The following PTRH2 variants were observed in gnomAD, a reference collection of about 807,000 sequenced individuals.
PTRH2 encodes the protein peptidyl-tRNA hydrolase 2.
Under a neutral mutation model 12.3 loss-of-function variants are expected in PTRH2, and 10 were observed. The observed-to-expected ratio is 0.81, with a 90% CI of 0.50 to 1.38. The LOEUF is 1.38. Among genes scored for constraint, PTRH2 ranks in the 40% most tolerant of loss-of-function variants. The pLI is 0.00. For missense variants in PTRH2, 176 were observed against 214.1 expected (o/e 0.82, Z 1.11); for synonymous variants, 73 against 77.4 (o/e 0.94, Z 0.30).
Position 59,697,915 on chromosome 17 carries a change from C to A in PTRH2, c.64G>T (p.Gly22Ter). The change falls in exon 2 of 2, where the codon GGA becomes TGA. Residue 22 changes from glycine (G) to a stop codon, truncating the protein, a stop_gained. Coordinates refer to ENST00000393038, the MANE Select transcript of PTRH2 (RefSeq NM_016077.5). LOFTEE classifies it high-confidence loss of function. ...CCCAGGCACATGCCACAAGCAACTC[C>A]AACAGCCAAGCCGAGTGTACTGGGA... ...AHPSTLGLAV[G>*]VACGMCLGWS... 6.2e-7 allele frequency: 1 copy of A among 1,614,084 alleles called. No homozygotes were observed. Among genetic ancestry groups the A allele is most frequent in the South Asian group, 1.1e-5 (1 of 91,068 alleles).
intron 1 of PTRH2, among the ~76,000 whole-genome samples, chr17:59,704,036 G>C (rs1394917649): frequency 6.6e-6 from 1 of 150,832 alleles, no homozygotes; most frequent in African/African-American, 2.4e-5. Context: ...TCGAGCTCCT[G>C]ACCTCAGGTG....
chr17:59,700,639 A>G (rs912700303), intron 1 of PTRH2: 7 of 152,210 alleles, frequency 4.6e-5, no homozygotes, highest in African/African-American at 1.7e-4. Context: ...CAAAAAGAAA[A>G]AGCAATGGAT....
Position 59,697,315 on chromosome 17 carries a change from G to A in PTRH2, c.*124C>T. On this transcript the variant is annotated 3_prime_UTR_variant, in exon 2 of 2. Coordinates refer to ENST00000393038, the MANE Select transcript of PTRH2 (RefSeq NM_016077.5). ...TGACAACTGCCAACCATAGAACATG[G>A]GAATAGGTTTTATTTTCATCTCAAG... The A allele has an allele frequency of 8.6e-7, 1 of 1,169,074 alleles. No individual in the cohort carries two copies. The highest frequency in any genetic ancestry group is 1.2e-6 in the Non-Finnish European group (1 of 840,442). The allele number at this position is 1,169,074 out of a possible 1,614,324, so 72.4% of individuals were successfully genotyped here. A position where few individuals can be genotyped will look rare whatever the true frequency, so the allele number is the denominator to read the frequency against.
At chr17:59,705,302 C>A (rs1308307418) in intron 1 of PTRH2, among the ~76,000 whole-genome samples, 1 of 152,192 alleles carries the variant, frequency 6.6e-6, no homozygotes, top group African/African-American at 2.4e-5. Flanking sequence ...GGATAACATA[C>A]TAAATCCTTT....
chr17:59,700,501 A>C (rs1230576215), intron 1 of PTRH2: 2 of 152,172 alleles, frequency 1.3e-5, no homozygotes, highest in African/African-American at 4.8e-5. Flanking sequence ...AGTACTTATA[A>C]ATTTCCTTTA....
At chr17:59,705,265 C>T (rs1175581755) in intron 1 of PTRH2, among the ~76,000 whole-genome samples, 1 of 152,200 alleles carries the variant, frequency 6.6e-6, no homozygotes, top group East Asian at 1.9e-4. Context: ...GAAGGAACTG[C>T]TCTACATAGA....
At chr17:59,703,384 T>C (rs960985226) in intron 1 of PTRH2, among the ~76,000 whole-genome samples, 4 of 152,098 alleles carry the variant, frequency 2.6e-5, no homozygotes, top group Non-Finnish European at 5.9e-5. Context: ...CCACCCTAAG[T>C]TGAGAAGCAT....
At chr17:59,705,076 C>A (rs1001515976) in intron 1 of PTRH2, among the ~76,000 whole-genome samples, 23 of 152,326 alleles carry the variant, frequency 1.5e-4, no homozygotes, top group Non-Finnish European at 2.9e-5. Context: ...CATGGGCCAC[C>A]ATGCCTGGCC....
At chr17:59,702,652 A>C (rs559348065) in intron 1 of PTRH2, among the ~76,000 whole-genome samples, 1 of 152,324 alleles carries the variant, frequency 6.6e-6, no homozygotes, top group East Asian at 1.9e-4. Context: ...AACATTTATG[A>C]AGTGTTCTGC....
At chr17:59,701,016 C>G (rs1382328156) in intron 1 of PTRH2, 1 of 152,208 alleles carries the variant, frequency 6.6e-6, no homozygotes, top group African/African-American at 2.4e-5. Flanking sequence ...TGGCAACATA[C>G]TATTTGTGAT....
Position 59,697,653 on chromosome 17 carries a change from T to A in PTRH2, c.326A>T (p.Glu109Val). ...CACCACCTTGGGCTGGCCACAGTAT[T>A]CCCATTGTTTGAGCATTTCAGGATT... ...RRNPEMLKQWEYCGQPKVVVK... is the reference protein window; with the variant it reads ...RRNPEMLKQWVYCGQPKVVVK... The change falls in exon 2 of 2, where the codon GAA becomes GTA. Residue 109 changes from glutamate (E) to valine (V), a missense_variant. Coordinates refer to ENST00000393038, the MANE Select transcript of PTRH2 (RefSeq NM_016077.5). 1 of 1,614,164 alleles carries A rather than the reference T, an allele frequency of 6.2e-7. No homozygotes were observed. Among genetic ancestry groups the A allele is most frequent in the South Asian group, 1.1e-5 (1 of 91,082 alleles).
intron 1 of PTRH2, among the ~76,000 whole-genome samples, chr17:59,705,393 G>A (rs909836765): frequency 6.6e-6 from 1 of 152,068 alleles, no homozygotes; most frequent in African/African-American, 2.4e-5. Flanking sequence ...TGAGAAATAT[G>A]AGGATCAAAC....
chr17:59,701,943 A>C (rs1042344299), intron 1 of PTRH2, among the ~76,000 whole-genome samples: 4 of 150,010 alleles, frequency 2.7e-5, no homozygotes, highest in Non-Finnish European at 5.9e-5. Context: ...TGACCTCGTG[A>C]TCCGCCCACC....
chr17:59,699,066 A>G, intron 1 of PTRH2: 2 of 570,028 alleles, frequency 3.5e-6, no homozygotes, highest in East Asian at 5.9e-5. Context: ...GTTGTTCTTC[A>G]GGAAGATACC....
chr17:59,702,124 T>G (rs953799581), intron 1 of PTRH2, among the ~76,000 whole-genome samples: 1 of 152,044 alleles, frequency 6.6e-6, no homozygotes, highest in East Asian at 1.9e-4. Context: ...CAAGAGAAGT[T>G]AAGTTCAATA....
intron 1 of PTRH2, chr17:59,699,805 G>C (rs1277315370): frequency 6.5e-6 from 1 of 152,800 alleles, no homozygotes; most frequent in African/African-American, 2.4e-5. Flanking sequence ...CCTTCATGCT[G>C]GGCAATTATC....
At position 59,697,431 on chromosome 17, in the gene PTRH2, AAGTCCACCT is replaced by A; in HGVS notation, c.539_*7del. On this transcript the variant is annotated stop_lost and 3_prime_UTR_variant, in exon 2 of 2. Coordinates refer to ENST00000393038, the MANE Select transcript of PTRH2 (RefSeq NM_016077.5). ...TGATGGAGGGGTTGTTGTCATATCA[AAGTCCACCT>A]AGTAAAGTTTTAGGTGACCAGTGAC... The A allele has an allele frequency of 6.3e-7, 1 of 1,598,436 alleles. No homozygotes were observed. Among genetic ancestry groups the A allele is most frequent in the South Asian group, 1.1e-5 (1 of 89,890 alleles).
At chr17:59,703,211 CAG>C (rs1354788968) in intron 1 of PTRH2, among the ~76,000 whole-genome samples, 2 of 151,822 alleles carry the variant, frequency 1.3e-5, no homozygotes, top group African/African-American at 2.4e-5. Context: ...TTTTAAGACA[CAG>C]GGGTTTCATT....
intron 1 of PTRH2, among the ~76,000 whole-genome samples, chr17:59,706,908 G>A (rs1212365936): frequency 6.6e-6 from 1 of 151,822 alleles, no homozygotes; most frequent in East Asian, 1.9e-4. Context: ...TCTGACCTCA[G>A]GTGATCCGCC....
Sources: allele counts gnomAD v4.1 joint callset (sites outside exome capture counted in the v4.1 genomes callset), GRCh38; gene constraint gnomAD v4.1.1; transcripts MANE v1.5; gene names NCBI Gene and HGNC (gene_info 2026-07-23, HGNC 2026-07-21).